Variants in HERPUD2 observed in about 807,000 individuals in gnomAD.
The protein encoded by HERPUD2 is homocysteine-responsive endoplasmic reticulum-resident ubiquitin-like domain member 2 protein.
In HERPUD2, 13 loss-of-function variants were observed where a neutral mutation model predicts 49.9. That is an observed-to-expected ratio of 0.26 (90% confidence interval 0.17 to 0.41). The LOEUF (loss-of-function observed/expected upper bound fraction) is 0.41. Ranked by LOEUF, HERPUD2 falls within the 10% of genes least tolerant of loss-of-function variation. The pLI is 1.00. For synonymous variants in HERPUD2, 172 were observed against 171.4 expected, an observed-to-expected ratio of 1.00 and a Z score of -0.03; for missense variants, 449 against 492.2, an observed-to-expected ratio of 0.91 and a Z score of 0.83.
intron 2 of HERPUD2, among the ~76,000 whole-genome samples, chr7:35,692,309 CT>C (rs67730198): frequency 0.64 from 97,468 of 151,932 alleles, 32,325 homozygotes; most frequent in African/African-American, 0.81. Flanking sequence ...GTCTCAGGTA[CT>C]TTTTTTTAAA....
chr7:35,638,713 A>G (rs1339859780), intron 5 of HERPUD2, among the ~76,000 whole-genome samples: 1 of 152,202 alleles, frequency 6.6e-6, no homozygotes, highest in Non-Finnish European at 1.5e-5. Context: ...AAACAAAGAG[A>G]AACACCACAA....
rs1237215370 is a variant in HERPUD2, at chr7:35,634,391, C to T, written c.980G>A (p.Gly327Asp). The part of the protein sequence containing the change: ...AGWFPFRQEG[G>D]HQQAPNNNAE... ...ATTATTGTTGGGAGCCTGCTGATGA[C>T]CTCCTTCTTGCCTAAAAGGAAACCA... The change falls in exon 8 of 9, where the codon GGT (glycine) becomes GAT (aspartate). Residue 327 changes from glycine (G) to aspartate (D), a missense_variant. By Grantham distance (94) the Gly-to-Asp change is moderately conservative. Coordinates refer to ENST00000311350, the MANE Select transcript of HERPUD2 (RefSeq NM_022373.5). 6.2e-7 allele frequency: 1 copy of T among 1,613,872 alleles called. No individual in the cohort carries two copies. The highest frequency in any genetic ancestry group is 8.5e-7 in the Non-Finnish European group (1 of 1,179,778).
intron 4 of HERPUD2, 77 bp from the exon 5 acceptor site, chr7:35,667,665 C>T (rs1348009691): frequency 9.8e-6 from 11 of 1,126,670 alleles, no homozygotes; most frequent in African/African-American, 3.1e-5. Flanking sequence ...TTACTAAAAA[C>T]GTATTCATGA....
chr7:35,679,569 G>C (rs1185890225), intron 2 of HERPUD2, among the ~76,000 whole-genome samples: 1 of 152,180 alleles, frequency 6.6e-6, no homozygotes, highest in Non-Finnish European at 1.5e-5. Flanking sequence ...TCAAGGTTTA[G>C]AAAAACCATT....
chr7:35,654,079 G>A (rs570827119), intron 5 of HERPUD2, among the ~76,000 whole-genome samples: 1 of 152,190 alleles, frequency 6.6e-6, no homozygotes, highest in East Asian at 1.9e-4. Flanking sequence ...GTGGTGCTAA[G>A]AGAGATGTTT....
chr7:35,638,799 C>T (rs1426909359), intron 5 of HERPUD2, among the ~76,000 whole-genome samples: 5 of 152,244 alleles, frequency 3.3e-5, no homozygotes, highest in South Asian at 2.1e-4. Flanking sequence ...ATTTTAAGTA[C>T]ATTTTCCTTA....
Position 35,635,180 on chromosome 7 carries a change from AAAG to A in HERPUD2, c.893_895del (p.Ser298del), listed in dbSNP as rs1784849707. On this transcript the variant is annotated inframe_deletion, in exon 7 of 9. Coordinates refer to ENST00000311350, the MANE Select transcript of HERPUD2 (RefSeq NM_022373.5). ...TCCCATTACCATGATAAACCGACTA[AAAG>A]AAGAATAGAAGTATACAATGCTAAG... 9.3e-6 allele frequency: 15 copies of A among 1,614,016 alleles called. No homozygotes were observed. The highest frequency in any genetic ancestry group is 1.6e-4 in the Middle Eastern group (1 of 6,084).
intron 5 of HERPUD2, among the ~76,000 whole-genome samples, chr7:35,658,642 T>A (rs1392973243): frequency 6.6e-6 from 1 of 152,188 alleles, no homozygotes; most frequent in Non-Finnish European, 1.5e-5. Context: ...ATGGGTACAA[T>A]AAGTAGCTTT....
chr7:35,637,291 A>G (rs1784888267), intron 6 of HERPUD2, among the ~76,000 whole-genome samples: 2 of 152,224 alleles, frequency 1.3e-5, no homozygotes, highest in Admixed American at 1.3e-4. Flanking sequence ...GTGGACTTAG[A>G]ATGAGAAAAG....
chr7:35,686,258 A>G (rs140216210), intron 2 of HERPUD2, among the ~76,000 whole-genome samples: 58,857 of 149,090 alleles, frequency 0.39, 12,040 homozygotes, highest in South Asian at 0.56. Flanking sequence ...GCGCGATCTC[A>G]GCTCACTACA....
intron 4 of HERPUD2, 51 bp downstream of exon 4, chr7:35,670,164 C>T (rs62454598): frequency 0.022 from 19,347 of 885,656 alleles, 327 homozygotes; most frequent in Non-Finnish European, 0.027. Flanking sequence ...AATAAGACGA[C>T]GACGAAAAAA....
chr7:35,660,245 T>TA lies in HERPUD2; in HGVS notation c.494+7188dup, dbSNP rs565998464. ...TGGCGGCATAGTATTCCATGGTGTATATGTGCCACATTTTCTTAATCCAGT... is the reference window on the plus strand; with the variant it reads ...TGGCGGCATAGTATTCCATGGTGTATAATGTGCCACATTTTCTTAATCCAGT... On this transcript the variant is annotated intron_variant, in intron 5 of 8. Coordinates refer to ENST00000311350, the MANE Select transcript of HERPUD2 (RefSeq NM_022373.5). Among the ~76,000 whole-genome samples, 14 of 152,366 alleles carry TA rather than the reference T, an allele frequency of 9.2e-5. 1 individual carries two copies. The South Asian group carries it at 2.9e-3, about 32-fold the overall frequency.
rs772676356 is a variant in HERPUD2, at chr7:35,634,363, G to C, written c.1008C>G (p.Ala336=). The C allele has an allele frequency of 5.6e-6, 9 of 1,613,776 alleles. No homozygotes were observed. In the South Asian group the frequency reaches 8.8e-5, roughly 16 times the overall value. The change falls in exon 8 of 9, where the codon GCC becomes GCG. Residue 336 remains alanine (A), a synonymous_variant. Transcript: ENST00000311350. The part of the protein sequence containing the change: ...GGHQQAPNNN[A]EVNNDGQNAN... ...CATTTTGCCCATCATTGTTAACTTC[G>C]GCATTATTGTTGGGAGCCTGCTGAT...
intron 5 of HERPUD2, among the ~76,000 whole-genome samples, chr7:35,650,114 A>C (rs1220622565): frequency 7.9e-5 from 12 of 152,188 alleles, no homozygotes; most frequent in Admixed American, 7.8e-4. Context: ...GGCTAACTAG[A>C]GGCATCTGAT....
At chr7:35,691,867 T>G (rs1223048236) in intron 2 of HERPUD2, among the ~76,000 whole-genome samples, 1 of 152,192 alleles carries the variant, frequency 6.6e-6, no homozygotes, top group Non-Finnish European at 1.5e-5. Context: ...CTGTGATGCT[T>G]CAAATCAATT....
At chr7:35,689,209 C>A (rs1464532146) in intron 2 of HERPUD2, among the ~76,000 whole-genome samples, 1 of 152,120 alleles carries the variant, frequency 6.6e-6, no homozygotes, top group Non-Finnish European at 1.5e-5. Context: ...GCTACAAATA[C>A]ATTAAGCAAT....
intron 2 of HERPUD2, among the ~76,000 whole-genome samples, chr7:35,686,162 CCTG>C (rs1205181134): frequency 6.6e-6 from 1 of 151,698 alleles, no homozygotes; most frequent in Non-Finnish European, 1.5e-5. Context: ...TTTATCCAGC[CCTG>C]CTAATATCAT....
At chr7:35,643,411 G>T (rs1429769841) in intron 5 of HERPUD2, among the ~76,000 whole-genome samples, 4 of 152,170 alleles carry the variant, frequency 2.6e-5, no homozygotes, top group Admixed American at 6.5e-5. Context: ...GTCAATATGA[G>T]GTTGGATGTC....
intron 2 of HERPUD2, among the ~76,000 whole-genome samples, chr7:35,684,283 G>A (rs1461313757): frequency 5.3e-5 from 8 of 152,168 alleles, no homozygotes; most frequent in African/African-American, 1.2e-4. Flanking sequence ...CCAGCTACTC[G>A]GGAGGCTGAG....
Sources: allele counts gnomAD v4.1 joint callset (sites outside exome capture counted in the v4.1 genomes callset), GRCh38; gene constraint gnomAD v4.1.1; transcripts MANE v1.5; gene names NCBI Gene and HGNC (gene_info 2026-07-23, HGNC 2026-07-21).